Variants in FSD1L observed in about 807,000 individuals in gnomAD.
FSD1L encodes the protein fibronectin type III and SPRY domain containing 1 like, also known as FSD1-like protein.
A neutral mutation model predicts 71.6 loss-of-function variants in FSD1L; 45 were observed. The ratio of observed to expected loss-of-function variants is 0.63; its 90% CI spans 0.49 to 0.81. The LOEUF is 0.81. FSD1L is among the 30% of genes least tolerant of loss of function. FSD1L has a pLI of 0.00. For missense variants in FSD1L, 561 were observed against 618.1 expected (o/e 0.91, Z 0.98); for synonymous variants, 197 against 207.2 (o/e 0.95, Z 0.42).
chr9:105,519,348 C>CA (rs905730656), intron 10 of FSD1L, among the ~76,000 whole-genome samples: 9 of 151,440 alleles, frequency 5.9e-5, no homozygotes, highest in Non-Finnish European at 1.0e-4. Context: ...AGAGACACAA[C>CA]AAAAAAAAAT....
At position 105,509,970 on chromosome 9, in the gene FSD1L, G is replaced by A. The variant is rs140853988; in HGVS notation, c.895+1255G>A. 3.5e-3 allele frequency among the ~76,000 whole-genome samples: 533 copies of A among 152,256 alleles called. 5 individuals carry two copies. The highest frequency in any genetic ancestry group is 0.012 in the African/African-American group (500 of 41,558). On this transcript the variant is annotated intron_variant, in intron 9 of 13. Transcript: ENST00000481272. ...TCATTACTATTATTCTTCCTCAAGAGCATCATATTTTTAAAATTTCTTTTG... is the reference window on the plus strand; with the variant it reads ...TCATTACTATTATTCTTCCTCAAGAACATCATATTTTTAAAATTTCTTTTG...
At chr9:105,450,019 C>T (rs1829893209) in intron 1 of FSD1L, among the ~76,000 whole-genome samples, 1 of 152,138 alleles carries the variant, frequency 6.6e-6, no homozygotes, top group Non-Finnish European at 1.5e-5. Flanking sequence ...GGTACCAAAT[C>T]TTTCTAATGA....
chr9:105,498,190 T>C (rs1018026498), intron 7 of FSD1L, among the ~76,000 whole-genome samples: 1 of 143,412 alleles, frequency 7.0e-6, no homozygotes, highest in Non-Finnish European at 1.5e-5. Context: ...TTGCTTTGGC[T>C]TTATTATTAT....
chr9:105,530,149 A>T lies in FSD1L; in HGVS notation c.1026-4344A>T, dbSNP rs80014286. Among the ~76,000 whole-genome samples the T allele has an allele frequency of 9.2e-3, 1,403 of 152,334 alleles. 22 individuals are homozygous for T. Among genetic ancestry groups the T allele is most frequent in the African/African-American group, 0.032 (1,344 of 41,556 alleles). On this transcript the variant is annotated intron_variant, in intron 10 of 13. Coordinates refer to ENST00000481272, the MANE Select transcript of FSD1L (RefSeq NM_001145313.3). ...GATTTTTAAATAGAGGAATCAGAGT[A>T]AGCTTTATCTTGTAATAATGAAAAA...
At chr9:105,529,284 A>G (rs2131461658) in intron 10 of FSD1L, among the ~76,000 whole-genome samples, 1 of 152,320 alleles carries the variant, frequency 6.6e-6, no homozygotes, top group South Asian at 2.1e-4. Context: ...TATATACCCA[A>G]AGGATTTATA....
intron 10 of FSD1L, among the ~76,000 whole-genome samples, chr9:105,518,596 A>T (rs911532715): frequency 3.9e-5 from 6 of 152,110 alleles, no homozygotes; most frequent in East Asian, 1.9e-4. Flanking sequence ...AGAAATAAAG[A>T]TGTTCTTTGA....
intron 1 of FSD1L, among the ~76,000 whole-genome samples, chr9:105,452,632 TG>T (rs2131566454): frequency 9.6e-6 from 1 of 103,784 alleles, no homozygotes; most frequent in South Asian, 4.3e-4. Context: ...CTCGCTCGCC[TG>T]CCTGCCTGCC....
chr9:105,455,138 G>C (rs1038988557), intron 1 of FSD1L, among the ~76,000 whole-genome samples: 14 of 152,168 alleles, frequency 9.2e-5, no homozygotes, highest in African/African-American at 3.4e-4. Flanking sequence ...AGTAGTTTAA[G>C]CATACTATTA....
In FSD1L at chr9:105,448,307, C is replaced by T. The variant is rs1443283453; in HGVS notation, c.15+72C>T. ...GCACAGGGTGGGCGGGGCGCCTGGG[C>T]CCGTGGGCTGTGGGTGCGCGGGGTG... On this transcript the variant is annotated intron_variant, in intron 1 of 13. Transcript: ENST00000481272. 27 of 1,404,346 alleles carry T rather than the reference C, an allele frequency of 1.9e-5. No homozygotes were observed. The South Asian group carries it at 3.3e-4, about 17-fold the overall frequency. The allele number at this position is 1,404,346 out of a possible 1,614,324, so 87.0% of individuals were successfully genotyped here. A position where few individuals can be genotyped will look rare whatever the true frequency, so the allele number is the denominator to read the frequency against.
chr9:105,517,425 C>T (rs974069468), intron 10 of FSD1L, among the ~76,000 whole-genome samples: 2 of 152,212 alleles, frequency 1.3e-5, no homozygotes, highest in East Asian at 1.9e-4. Flanking sequence ...GGTTGGATTA[C>T]CCACAAAGGG....
chr9:105,552,044 T>C lies in FSD1L; in HGVS notation c.*5561T>C, dbSNP rs187826216. 2.0e-5 allele frequency: 3 copies of C among 152,332 alleles called. No individual in the cohort carries two copies. Among genetic ancestry groups the C allele is most frequent in the East Asian group, 3.9e-4 (2 of 5,194 alleles). The allele number at this position is 152,332 out of a possible 1,614,324, so 9.4% of individuals were successfully genotyped here. ...ATCTCTTGGTATCTCTCCTGACATA[T>C]TTGTTTTGCTTTAAATTGGATTAAA... On this transcript the variant is annotated 3_prime_UTR_variant, in exon 14 of 14. Transcript: ENST00000481272.
intron 4 of FSD1L, among the ~76,000 whole-genome samples, chr9:105,470,868 G>C (rs1831409786): frequency 6.6e-6 from 1 of 152,138 alleles, no homozygotes; most frequent in Non-Finnish European, 1.5e-5. Flanking sequence ...ACAAAACACT[G>C]TAGAAGAAAG....
At chr9:105,521,725 A>G (rs951035668) in intron 10 of FSD1L, 4 of 1,613,416 alleles carry the variant, frequency 2.5e-6, no homozygotes, top group Non-Finnish European at 1.7e-6. Context: ...AATACTGCTG[A>G]TCATGTTCGA....
At chr9:105,483,500 C>T (rs1458407700) in intron 6 of FSD1L, among the ~76,000 whole-genome samples, 1 of 151,976 alleles carries the variant, frequency 6.6e-6, no homozygotes, top group Non-Finnish European at 1.5e-5. Context: ...ATTCTTGAAC[C>T]AAAGATAGTA....
chr9:105,520,040 T>G, intron 10 of FSD1L: 1 of 1,497,472 alleles, frequency 6.7e-7, no homozygotes, highest in East Asian at 2.4e-5. Flanking sequence ...CCTCTCTGGC[T>G]AGTCTCCTCC....
chr9:105,504,334 T>G (rs759909001), intron 7 of FSD1L, among the ~76,000 whole-genome samples: 31 of 152,348 alleles, frequency 2.0e-4, no homozygotes, highest in Non-Finnish European at 3.7e-4. Context: ...CTTTTTTGGT[T>G]GTCAGTTGTC....
chr9:105,510,131 C>T (rs1472866273), intron 9 of FSD1L, among the ~76,000 whole-genome samples: 1 of 152,160 alleles, frequency 6.6e-6, no homozygotes, highest in Non-Finnish European at 1.5e-5. Flanking sequence ...GGGCTGGCTG[C>T]TCCTATTAGC....
intron 6 of FSD1L, among the ~76,000 whole-genome samples, chr9:105,481,169 GT>G (rs1413427089): frequency 1.2e-4 from 16 of 133,742 alleles, no homozygotes; most frequent in Admixed American, 4.5e-4. Flanking sequence ...GTGTGTGTGT[GT>G]GTGTGTGTGG....
rs536895523 is a variant in FSD1L at position 105,452,427 on chromosome 9, T to A, written c.15+4192T>A. 1.4e-4 allele frequency among the ~76,000 whole-genome samples: 22 copies of A among 152,364 alleles called. No individual in the cohort carries two copies. In the South Asian group the frequency reaches 4.3e-3, roughly 30 times the overall value. On this transcript the variant is annotated intron_variant, in intron 1 of 13. Transcript: ENST00000481272. ...GAGAGGTTAAGTGTCTTGTTCACAGTCACACAGCTAGCAAATAGTAGTCTG... is the reference window on the plus strand; with the variant it reads ...GAGAGGTTAAGTGTCTTGTTCACAGACACACAGCTAGCAAATAGTAGTCTG...
Sources: allele counts gnomAD v4.1 joint callset (sites outside exome capture counted in the v4.1 genomes callset), GRCh38; gene constraint gnomAD v4.1.1; transcripts MANE v1.5; gene names NCBI Gene and HGNC (gene_info 2026-07-23, HGNC 2026-07-21).